TFAP2A: variants seen among roughly 807,000 people sequenced by gnomAD.
The protein encoded by TFAP2A is transcription factor AP-2 alpha, also known as transcription factor AP-2-alpha.
A neutral mutation model predicts 41.5 loss-of-function variants in TFAP2A; 7 were observed. The ratio of observed to expected loss-of-function variants is 0.17; its 90% CI spans 0.10 to 0.32. TFAP2A has a LOEUF of 0.32. Ranked by LOEUF, TFAP2A falls within the 10% of genes least tolerant of loss-of-function variation. The pLI is 1.00. For missense variants in TFAP2A, 416 were observed against 563.3 expected (o/e 0.74, Z 2.65); for synonymous variants, 247 against 242.8 (o/e 1.02, Z -0.16).
intron 2 of TFAP2A, 106 bp from the exon 3 acceptor site, chr6:10,406,950 C>T (rs1757741941): frequency 2.2e-6 from 2 of 901,782 alleles, no homozygotes; most frequent in Admixed American, 1.7e-5. Flanking sequence ...CAAAATTCCC[C>T]CTCCCGTATA....
Position 10,398,787 on chromosome 6 carries a change from T to C in TFAP2A, c.1032-82A>G. ...GCAGCAAAGAGAAAACCTCCCTCCC[T>C]GCAGCTACCTCTGCCGGGATCCAGC... is the stretch of plus-strand genomic sequence containing the variant. On this transcript the variant is annotated intron_variant, in intron 6 of 6. Transcript: ENST00000379613. This position sits in a 1 kb window ranked among gnomAD's most constrained non-coding sequence, Gnocchi z 5.3. 2 of 1,503,856 alleles carry C rather than the reference T, an allele frequency of 1.3e-6. No individual in the cohort carries two copies. Among genetic ancestry groups the C allele is most frequent in the Non-Finnish European group, 1.8e-6 (2 of 1,104,144 alleles). 93.2% of individuals were successfully genotyped at this position (1,503,856 alleles called of 1,614,324 possible). A position where few individuals can be genotyped will look rare whatever the true frequency, so the allele number is the denominator to read the frequency against.
upstream of TFAP2A, chr6:10,419,577 C>A: frequency 1.6e-6 from 2 of 1,257,176 alleles, no homozygotes; most frequent in South Asian, 2.5e-5. Flanking sequence ...CTCACCTGGT[C>A]ATAAAGAGCT....
intron 3 of TFAP2A, chr6:10,405,422 G>C (rs933569251): frequency 3.3e-5 from 5 of 152,246 alleles, no homozygotes; most frequent in African/African-American, 1.2e-4. Context: ...GAACTGCGGA[G>C]TGGGGAGGGA....
At chr6:10,411,482 A>T in intron 1 of TFAP2A, 1 of 1,607,130 alleles carries the variant, frequency 6.2e-7, no homozygotes, top group South Asian at 1.1e-5. Flanking sequence ...CTGGGCGTGA[A>T]ACCCGAGGTT....
Position 10,410,170 on chromosome 6 carries a change from C to T in TFAP2A, c.217G>A (p.Asp73Asn). The T allele has an allele frequency of 1.3e-6, 2 of 1,563,326 alleles. No homozygotes were observed. Among genetic ancestry groups the T allele is most frequent in the Non-Finnish European group, 1.7e-6 (2 of 1,155,980 alleles). The change falls in exon 2 of 7, where the codon GAT becomes AAT. Residue 73 changes from aspartate to asparagine, a missense_variant. Around this residue, in one of 3 missense-constraint regions of TFAP2A, gnomAD observed 241 missense variants for 274.1 expected, o/e 0.88. Coordinates refer to ENST00000379613, the MANE Select transcript of TFAP2A (RefSeq NM_001372066.1). ...GGGTCGTTGACGTGGGAGTAAGGAT[C>T]TTGCGACTGGGGGTAGATAGGCTGG... is the stretch of plus-strand genomic sequence containing the variant. ...PYQPIYPQSQ[D>N]PYSHVNDPYS...
intron 1 of TFAP2A, 106 bp downstream of exon 1, chr6:10,414,835 T>A: frequency 6.7e-7 from 1 of 1,488,792 alleles, no homozygotes; most frequent in South Asian, 1.1e-5. Context: ...GGGGAAAGTT[T>A]GTCCCACCCG....
At chr6:10,418,638 C>G (rs1758325526), upstream of TFAP2A, 1 of 152,306 alleles carries the variant, frequency 6.6e-6, no homozygotes, top group Non-Finnish European at 1.5e-5. Context: ...ATCCGGGGCT[C>G]AGGAAGGACA....
chr6:10,399,469 T>A (rs1383959702), intron 6 of TFAP2A, among the ~76,000 whole-genome samples: 2 of 152,134 alleles, frequency 1.3e-5, no homozygotes, highest in Admixed American at 1.3e-4. Context: ...AAGTTGAAAT[T>A]TCGCAGAGGT....
At chr6:10,399,455 G>A (rs980952681) in intron 6 of TFAP2A, among the ~76,000 whole-genome samples, 1 of 152,232 alleles carries the variant, frequency 6.6e-6, no homozygotes, top group Non-Finnish European at 1.5e-5. Context: ...CCTGGGGAAA[G>A]AGAAAGTTGA....
chr6:10,407,749 A>G (rs1197652242), intron 2 of TFAP2A: 1 of 152,174 alleles, frequency 6.6e-6, no homozygotes, highest in Non-Finnish European at 1.5e-5. Flanking sequence ...AATAATACTG[A>G]TTCGAACATT....
At chr6:10,408,299 T>C (rs1757805788) in intron 2 of TFAP2A, among the ~76,000 whole-genome samples, 1 of 152,200 alleles carries the variant, frequency 6.6e-6, no homozygotes, top group South Asian at 2.1e-4. Flanking sequence ...TTTCCTTGTT[T>C]TTGTTTAATC....
At chr6:10,412,723 C>A in intron 1 of TFAP2A, 1 of 311,150 alleles carries the variant, frequency 3.2e-6, no homozygotes. Flanking sequence ...GGCTCCGCCG[C>A]TTCGCAGCCG....
At chr6:10,411,570 C>T (rs866706898) in intron 1 of TFAP2A, 1 of 1,614,054 alleles carries the variant, frequency 6.2e-7, no homozygotes, top group Non-Finnish European at 8.5e-7. Flanking sequence ...TGGGACTCAC[C>T]ATGGCTGAAA....
rs1442384775 is a variant in TFAP2A at position 10,410,158 on chromosome 6, G to A, written c.229C>T (p.His77Tyr). 6.2e-7 allele frequency: 1 copy of A among 1,609,802 alleles called. No individual in the cohort carries two copies. ...IYPQSQDPYS[H>Y]VNDPYSLNPL... is the part of the protein sequence containing the mutation. ...TTCAGGCTGTAGGGGTCGTTGACGTGGGAGTAAGGATCTTGCGACTGGGGG... is the reference window on the plus strand; with the variant it reads ...TTCAGGCTGTAGGGGTCGTTGACGTAGGAGTAAGGATCTTGCGACTGGGGG... Residue 77 changes from histidine (H) to tyrosine (Y), a missense_variant, in exon 2 of 7, where the codon CAC becomes TAC. This residue lies in a region of TFAP2A where 241 missense variants were observed against 274.1 expected (regional missense o/e 0.88). Transcript: ENST00000379613.
chr6:10,411,056 C>CCG (rs1757944110), intron 1 of TFAP2A: 2 of 150,430 alleles, frequency 1.3e-5, no homozygotes, highest in Admixed American at 6.5e-5. Context: ...GCCCCCCCCC[C>CCG]CCGCCCCTTC....
chr6:10,419,528 G>T (rs1170517393), upstream of TFAP2A: 1 of 1,581,752 alleles, frequency 6.3e-7, no homozygotes, highest in African/African-American at 1.3e-5. Flanking sequence ...CCCTGGAATC[G>T]CTTAGGCAAA....
Position 10,404,659 on chromosome 6 carries a change from C to G in TFAP2A, c.619G>C (p.Val207Leu), listed in dbSNP as rs1306008241. The G allele has an allele frequency of 2.9e-5, 47 of 1,614,190 alleles. No individual in the cohort carries two copies. The highest frequency in any genetic ancestry group is 3.9e-5 in the Non-Finnish European group (46 of 1,180,020). ...GAACAGAAGACTTCGTTGGGGTTCA[C>G]CACGCCGCCGAAGAGGTTGTCCTTG... is the stretch of plus-strand genomic sequence containing the variant. ...INKDNLFGGV[V>L]NPNEVFCSVP... The change falls in exon 4 of 7, where the codon GTG (valine) becomes CTG (leucine). Residue 207 changes from valine to leucine, a missense_variant. By Grantham distance (32) the Val-to-Leu change is conservative. Transcript: ENST00000379613.
chr6:10,399,895 G>GGT (rs1162977572), intron 6 of TFAP2A, among the ~76,000 whole-genome samples: 2 of 142,312 alleles, frequency 1.4e-5, no homozygotes, highest in Non-Finnish European at 3.0e-5. Flanking sequence ...GTGGGGTGTG[G>GGT]GTCTCTCTCT....
At chr6:10,405,562 A>G (rs1484710898) in intron 3 of TFAP2A, 1 of 150,212 alleles carries the variant, frequency 6.7e-6, no homozygotes, top group African/African-American at 2.5e-5. Context: ...TAAGCTCTTT[A>G]TTGCTGGACT....
Sources: allele counts gnomAD v4.1 joint callset (sites outside exome capture counted in the v4.1 genomes callset), GRCh38; gene constraint gnomAD v4.1.1; regional missense constraint gnomAD v4.1.1; non-coding constraint Gnocchi (gnomAD v3.1); transcripts MANE v1.5; gene names NCBI Gene and HGNC (gene_info 2026-07-23, HGNC 2026-07-21).